Variants in UBE2QL1 observed in about 807,000 individuals in gnomAD.
UBE2QL1 encodes the protein ubiquitin-conjugating enzyme E2Q-like protein 1.
Under a neutral mutation model 12.6 loss-of-function variants are expected in UBE2QL1, and 5 were observed. The ratio of observed to expected loss-of-function variants is 0.40; its 90% confidence interval spans 0.21 to 0.83. UBE2QL1 has a LOEUF of 0.83. Among genes scored for constraint, UBE2QL1 ranks in the 40% least tolerant of loss-of-function variants. The pLI is 0.37. For missense variants in UBE2QL1, 99 were observed against 222.6 expected, an observed-to-expected ratio of 0.44 and a Z score of 3.53; for synonymous variants, 96 against 94.5, an observed-to-expected ratio of 1.02 and a Z score of -0.10.
rs2126342056 is a variant in UBE2QL1 at position 6,465,605 on chromosome 5, A to G, written c.354+16358A>G. The stretch of plus-strand genomic sequence containing the variant: ...GGAGGGCGCTTTGCACCTCGTTTCA[A>G]CAGGGACTCTTGGGGGGGCTCTGGG... On this transcript the variant is annotated intron_variant, in intron 1 of 1. Coordinates refer to ENST00000399816, the MANE Select transcript of UBE2QL1 (RefSeq NM_001145161.3). 3.3e-5 allele frequency among the ~76,000 whole-genome samples: 5 copies of G among 152,216 alleles called. No individual in the cohort carries two copies. In the Middle Eastern group the frequency reaches 0.014, roughly 414 times the overall value.
At chr5:6,466,358 G>C (rs1560930982) in intron 1 of UBE2QL1, among the ~76,000 whole-genome samples, 1 of 152,298 alleles carries the variant, frequency 6.6e-6, no homozygotes, top group Non-Finnish European at 1.5e-5. Context: ...CAACCCATCT[G>C]CCTCCTCCCA....
rs1429176209 is a variant in UBE2QL1, at chr5:6,449,280, G to A, written c.354+33G>A. On this transcript the variant is annotated intron_variant, in intron 1 of 1. Coordinates refer to ENST00000399816, the MANE Select transcript of UBE2QL1 (RefSeq NM_001145161.3). ...GAGCGCGCCGGGGCTGGGGGCGCGG[G>A]GCCGAGATCGGGTCTGCAGCGCCGC... is the stretch of plus-strand genomic sequence containing the variant. The A allele has an allele frequency of 5.9e-6, 8 of 1,352,436 alleles. No homozygotes were observed. The South Asian group carries it at 1.4e-4, about 25-fold the overall frequency. 83.8% of individuals were successfully genotyped at this position (1,352,436 alleles called of 1,614,324 possible).
At chr5:6,453,670 A>G (rs1036720790) in intron 1 of UBE2QL1, among the ~76,000 whole-genome samples, 1 of 151,824 alleles carries the variant, frequency 6.6e-6, no homozygotes, top group Non-Finnish European at 1.5e-5. Context: ...AGGGGGCCAC[A>G]CCATGGTGTC....
In UBE2QL1 at chr5:6,479,838, C is replaced by T. The variant is rs1734322181; in HGVS notation, c.355-11380C>T. 6.6e-6 allele frequency among the ~76,000 whole-genome samples: 1 copy of T among 152,192 alleles called. No homozygotes were observed. Among genetic ancestry groups the T allele is most frequent in the Non-Finnish European group, 1.5e-5 (1 of 68,040 alleles). On this transcript the variant is annotated intron_variant, in intron 1 of 1. Coordinates refer to ENST00000399816, the MANE Select transcript of UBE2QL1 (RefSeq NM_001145161.3). This position sits in a 1 kb window ranked among gnomAD's most constrained non-coding sequence, Gnocchi z 4.2. ...CCAGGGAGGTCACCCACCCTGTTCA[C>T]CACGTCAGGCAGGTAGCGTGTGCCG...
chr5:6,485,062 C>T (rs549247176), intron 1 of UBE2QL1, among the ~76,000 whole-genome samples: 20 of 152,118 alleles, frequency 1.3e-4, no homozygotes, highest in Admixed American at 2.6e-4. Context: ...ACATGTGACA[C>T]GATACATGTG....
chr5:6,460,758 T>C (rs272472), intron 1 of UBE2QL1, among the ~76,000 whole-genome samples: 45,041 of 152,152 alleles, frequency 0.3, 7,370 homozygotes, highest in East Asian at 0.52. Context: ...TAGAAAATTA[T>C]GTAGAAGAAT....
intron 1 of UBE2QL1, among the ~76,000 whole-genome samples, chr5:6,472,934 T>C (rs10035924): frequency 0.012 from 1,774 of 152,336 alleles, 29 homozygotes; most frequent in African/African-American, 0.04. Context: ...CTTCTCCATG[T>C]GAGCTGCCAG....
intron 1 of UBE2QL1, among the ~76,000 whole-genome samples, chr5:6,484,844 A>AG (rs557076288): frequency 2.0e-3 from 309 of 151,964 alleles, no homozygotes; most frequent in Admixed American, 3.7e-3. Flanking sequence ...GGAACCCACC[A>AG]GGCTGAAGCT....
intron 1 of UBE2QL1, among the ~76,000 whole-genome samples, chr5:6,451,056 A>G (rs964066478): frequency 6.6e-6 from 1 of 152,204 alleles, no homozygotes. Flanking sequence ...ATTCTTTGGA[A>G]CAGTCTGTTA....
chr5:6,473,946 T>C (rs1432355316), intron 1 of UBE2QL1, among the ~76,000 whole-genome samples: 2 of 152,348 alleles, frequency 1.3e-5, no homozygotes, highest in East Asian at 3.9e-4. Context: ...ATGACTTACT[T>C]CTTAGCTCCC....
In UBE2QL1 at chr5:6,492,647, T is replaced by G. The variant is rs1241815017; in HGVS notation, c.*1298T>G. On this transcript the variant is annotated 3_prime_UTR_variant, in exon 2 of 2. Coordinates refer to ENST00000399816, the MANE Select transcript of UBE2QL1 (RefSeq NM_001145161.3). ...GGGCTATCCTTCCATTTAAAATATTTCAGATATTCTTAAATTTTTTAAATA... is the reference window on the plus strand; with the variant it reads ...GGGCTATCCTTCCATTTAAAATATTGCAGATATTCTTAAATTTTTTAAATA... 9 of 152,250 alleles carry G rather than the reference T, an allele frequency of 5.9e-5. No homozygotes were observed. Among genetic ancestry groups the G allele is most frequent in the Non-Finnish European group, 1.5e-5 (1 of 68,044 alleles). The allele number at this position is 152,250 out of a possible 1,614,324, so 9.4% of individuals were successfully genotyped here.
At chr5:6,470,017 G>A (rs1388514137) in intron 1 of UBE2QL1, among the ~76,000 whole-genome samples, 1 of 152,200 alleles carries the variant, frequency 6.6e-6, no homozygotes, top group East Asian at 1.9e-4. Flanking sequence ...TAAGACAACA[G>A]CGATGCCGGG....
chr5:6,488,156 G>C (rs754468334), intron 1 of UBE2QL1, among the ~76,000 whole-genome samples: 8 of 152,206 alleles, frequency 5.3e-5, no homozygotes, highest in Non-Finnish European at 1.2e-4. Flanking sequence ...AACGGGCTCT[G>C]TCTCCCAGCT....
At chr5:6,466,090 T>C (rs1194129437) in intron 1 of UBE2QL1, among the ~76,000 whole-genome samples, 2 of 151,872 alleles carry the variant, frequency 1.3e-5, no homozygotes, top group Non-Finnish European at 2.9e-5. Flanking sequence ...CCCTGAGCAG[T>C]GCGGGGAGGC....
At chr5:6,470,742 T>C (rs1739897360) in intron 1 of UBE2QL1, among the ~76,000 whole-genome samples, 2 of 152,212 alleles carry the variant, frequency 1.3e-5, no homozygotes, top group African/African-American at 4.8e-5. Context: ...CCTCCAGTTC[T>C]TCCCTCCCTA....
intron 1 of UBE2QL1, among the ~76,000 whole-genome samples, chr5:6,463,744 C>A (rs894240226): frequency 6.9e-6 from 1 of 145,412 alleles, no homozygotes; most frequent in Non-Finnish European, 1.5e-5. Context: ...TCTCCTGCCT[C>A]AGCCTCCCGA....
chr5:6,483,749 G>A (rs1044671343), intron 1 of UBE2QL1, among the ~76,000 whole-genome samples: 8 of 152,094 alleles, frequency 5.3e-5, no homozygotes, highest in East Asian at 3.9e-4. Context: ...GAGGAGAGTC[G>A]TCATTTCCAC....
rs1302226210 is a variant in UBE2QL1, at chr5:6,491,271, A to G, written c.408A>G (p.Glu136=). Residue 136 remains glutamate (E), a synonymous_variant, in exon 2 of 2, where the codon GAA becomes GAG. Transcript: ENST00000399816. ...CAAAAAAGTCCTTCAGTCGCAAGGA[A>G]GCTGAAGCTACCTTTAAGAGTTTGG... is the stretch of plus-strand genomic sequence containing the variant. ...GKSKKSFSRK[E]AEATFKSLVK... is the part of the protein sequence containing the mutation. 1 of 1,551,762 alleles carries G rather than the reference A, an allele frequency of 6.4e-7. No homozygotes were observed. The highest frequency in any genetic ancestry group is 2.0e-5 in the Admixed American group (1 of 50,978).
chr5:6,470,916 T>C (rs1446761102), intron 1 of UBE2QL1, among the ~76,000 whole-genome samples: 3 of 152,210 alleles, frequency 2.0e-5, no homozygotes, highest in Admixed American at 2.0e-4. Flanking sequence ...TACCCCAGGT[T>C]ACAGTCCCAT....
Sources: allele counts gnomAD v4.1 joint callset (sites outside exome capture counted in the v4.1 genomes callset), GRCh38; gene constraint gnomAD v4.1.1; non-coding constraint Gnocchi (gnomAD v3.1); transcripts MANE v1.5; gene names NCBI Gene and HGNC (gene_info 2026-07-23, HGNC 2026-07-21).